TSPAN5: variants seen among roughly 807,000 people sequenced by gnomAD.
TSPAN5 encodes the protein tetraspanin 5, also known as tetraspanin-5.
TSPAN5 carries 10 observed loss-of-function variants against 37.1 expected under a neutral mutation model. That is an observed-to-expected ratio of 0.27 (90% confidence interval 0.17 to 0.46). The LOEUF (loss-of-function observed/expected upper bound fraction) is 0.46. Among genes scored for constraint, TSPAN5 ranks in the 20% least tolerant of loss-of-function variants. The probability of loss-of-function intolerance (pLI) is 1.00; values close to 1 mark genes in which losing one functional copy is unlikely to be tolerated. For missense variants in TSPAN5, 195 were observed against 326.6 expected (o/e 0.60, Z 3.11); for synonymous variants, 110 against 118.9 (o/e 0.93, Z 0.48).
chr4:98,628,738 A>G (rs541337914), intron 1 of TSPAN5, among the ~76,000 whole-genome samples: 13 of 152,300 alleles, frequency 8.5e-5, no homozygotes, highest in Middle Eastern at 3.4e-3. Context: ...GGAATCTGCA[A>G]CACCAGCTTT....
At chr4:98,537,869 T>G (rs1332425146) in intron 1 of TSPAN5, among the ~76,000 whole-genome samples, 3 of 152,254 alleles carry the variant, frequency 2.0e-5, no homozygotes, top group Admixed American at 2.0e-4. Context: ...ATTTTCTCTG[T>G]GGCATTGTCA....
At chr4:98,557,838 A>G (rs565973561) in intron 1 of TSPAN5, among the ~76,000 whole-genome samples, 160 of 152,364 alleles carry the variant, frequency 1.1e-3, no homozygotes, top group African/African-American at 3.5e-3. Flanking sequence ...TAGTCTAATC[A>G]TGAGAAAAAC....
At chr4:98,559,479 AG>A (rs1482973425) in intron 1 of TSPAN5, among the ~76,000 whole-genome samples, 30 of 152,322 alleles carry the variant, frequency 2.0e-4, no homozygotes, top group Non-Finnish European at 3.4e-4. Context: ...GGAGTTCACA[AG>A]AGGGTTTAAG....
At position 98,478,666 on chromosome 4, in the gene TSPAN5, T is replaced by A. The variant is rs1752761424; in HGVS notation, c.576+19A>T. 6.2e-7 allele frequency: 1 copy of A among 1,613,972 alleles called. No individual in the cohort carries two copies. The highest frequency in any genetic ancestry group is 8.5e-7 in the Non-Finnish European group (1 of 1,179,992). On this transcript the variant is annotated intron_variant, in intron 5 of 7. Coordinates refer to ENST00000305798, the MANE Select transcript of TSPAN5 (RefSeq NM_005723.4). ...CATGATGTACAGAGTAGGCCAATAG[T>A]TCGCTGGCATTCACTTACTGCGGGA...
intron 1 of TSPAN5, among the ~76,000 whole-genome samples, chr4:98,603,129 T>C (rs1755923406): frequency 6.6e-6 from 1 of 152,240 alleles, no homozygotes; most frequent in African/African-American, 2.4e-5. Context: ...AGTCTCAGGT[T>C]CTTTTCATTA....
At chr4:98,537,008 G>A (rs577607846) in intron 1 of TSPAN5, among the ~76,000 whole-genome samples, 1 of 152,316 alleles carries the variant, frequency 6.6e-6, no homozygotes, top group South Asian at 2.1e-4. Context: ...AGAGTGAATG[G>A]TTGTCTCGTT....
chr4:98,565,710 G>C (rs140011381), intron 1 of TSPAN5, among the ~76,000 whole-genome samples: 24 of 152,266 alleles, frequency 1.6e-4, no homozygotes, highest in African/African-American at 5.5e-4. Context: ...TTTATCACAA[G>C]CAGCTGAGAG....
At chr4:98,636,304 A>G (rs193158813) in intron 1 of TSPAN5, among the ~76,000 whole-genome samples, 1 of 152,338 alleles carries the variant, frequency 6.6e-6, no homozygotes, top group Non-Finnish European at 1.5e-5. Context: ...ATATTTTATA[A>G]TGGACATCAA....
At chr4:98,586,925 T>C (rs1277096151) in intron 1 of TSPAN5, among the ~76,000 whole-genome samples, 1 of 152,168 alleles carries the variant, frequency 6.6e-6, no homozygotes, top group Non-Finnish European at 1.5e-5. Context: ...TGACTTTGGC[T>C]TCCAAAGGGA....
At chr4:98,525,782 A>G (rs954403580) in intron 1 of TSPAN5, among the ~76,000 whole-genome samples, 9 of 152,182 alleles carry the variant, frequency 5.9e-5, no homozygotes, top group Non-Finnish European at 1.2e-4. Context: ...TAGCAACTTC[A>G]ACTTTTGTCT....
rs76554415 is a variant in TSPAN5, at chr4:98,638,488, G to A, written c.81+19658C>T. On this transcript the variant is annotated intron_variant, in intron 1 of 7. Transcript: ENST00000305798. The stretch of plus-strand genomic sequence containing the variant: ...CATCTGAACGCATTTAACTGGCTAG[G>A]TATCAACTTATATGTAATACACCGG... Among the ~76,000 whole-genome samples, 542 of 152,182 alleles carry A rather than the reference G, an allele frequency of 3.6e-3. 3 individuals carry two copies. Among genetic ancestry groups the A allele is most frequent in the Non-Finnish European group, 6.8e-3 (461 of 68,004 alleles).
intron 2 of TSPAN5, chr4:98,496,736 T>A (rs1019090067): frequency 4.6e-5 from 7 of 152,274 alleles, no homozygotes; most frequent in Non-Finnish European, 8.8e-5. Flanking sequence ...AACAGCCACA[T>A]GCAAAAGCGC....
At chr4:98,608,393 C>G (rs1012744259) in intron 1 of TSPAN5, among the ~76,000 whole-genome samples, 4 of 152,196 alleles carry the variant, frequency 2.6e-5, no homozygotes, top group African/African-American at 7.2e-5. Flanking sequence ...TGGGTTCCTT[C>G]TTGCTACAGA....
At chr4:98,546,623 A>G (rs1393813765) in intron 1 of TSPAN5, among the ~76,000 whole-genome samples, 3 of 152,206 alleles carry the variant, frequency 2.0e-5, no homozygotes, top group Non-Finnish European at 4.4e-5. Context: ...AAGGCCACAA[A>G]TGTAGAGCAG....
intron 1 of TSPAN5, among the ~76,000 whole-genome samples, chr4:98,554,268 T>A (rs1314909752): frequency 6.6e-6 from 1 of 152,162 alleles, no homozygotes; most frequent in African/African-American, 2.4e-5. Context: ...ATATAAGATA[T>A]CTAGTTATGT....
At chr4:98,623,717 A>G (rs893719046) in intron 1 of TSPAN5, among the ~76,000 whole-genome samples, 2 of 152,198 alleles carry the variant, frequency 1.3e-5, no homozygotes, top group Non-Finnish European at 2.9e-5. Flanking sequence ...CCTTTTTGAG[A>G]TACAACCCAT....
In TSPAN5 at chr4:98,503,084, A is replaced by G. The variant is rs1409638383; in HGVS notation, c.132+4594T>C. Among the ~76,000 whole-genome samples, 6 of 152,096 alleles carry G rather than the reference A, an allele frequency of 3.9e-5. No homozygotes were observed. In the East Asian group the frequency reaches 1.2e-3, roughly 29 times the overall value. ...GATGCTAGATAGAGGCTCTGGAGTG[A>G]TCTCAGCAGGTGGACAGGTGGGCTG... is the stretch of plus-strand genomic sequence containing the variant. On this transcript the variant is annotated intron_variant, in intron 2 of 7. Transcript: ENST00000305798.
intron 1 of TSPAN5, among the ~76,000 whole-genome samples, chr4:98,546,874 A>G (rs1754483155): frequency 6.6e-6 from 1 of 152,184 alleles, no homozygotes; most frequent in African/African-American, 2.4e-5. Flanking sequence ...AAAACCCCCA[A>G]TATCTGATGT....
chr4:98,573,395 T>C (rs1755168210), intron 1 of TSPAN5, among the ~76,000 whole-genome samples: 1 of 152,172 alleles, frequency 6.6e-6, no homozygotes, highest in Admixed American at 6.5e-5. Context: ...ACTCATGAAA[T>C]AACAACTTTT....
Sources: allele counts gnomAD v4.1 joint callset (sites outside exome capture counted in the v4.1 genomes callset), GRCh38; gene constraint gnomAD v4.1.1; transcripts MANE v1.5; gene names NCBI Gene and HGNC (gene_info 2026-07-23, HGNC 2026-07-21).